Variants in VWC2 observed in about 807,000 individuals in gnomAD.
The protein encoded by VWC2 is brorin.
VWC2 carries 14 observed loss-of-function variants against 29.8 expected under a neutral mutation model. The ratio of observed to expected loss-of-function variants is 0.47; its 90% CI spans 0.31 to 0.74. The LOEUF (loss-of-function observed/expected upper bound fraction) is 0.74. VWC2 is among the 30% of genes least tolerant of loss of function. VWC2 has a pLI of 0.05. For synonymous variants in VWC2, 213 were observed against 199.0 expected (o/e 1.07, Z -0.59); for missense variants, 457 against 459.8 (o/e 0.99, Z 0.05).
chr7:49,855,069 GA>G lies in VWC2; in HGVS notation c.826+52234del, dbSNP rs1790359732. Among the ~76,000 whole-genome samples, 5 of 152,220 alleles carry G rather than the reference GA, an allele frequency of 3.3e-5. No homozygotes were observed. In the South Asian group the frequency reaches 1.0e-3, roughly 32 times the overall value. On this transcript the variant is annotated intron_variant, in intron 3 of 3. Transcript: ENST00000340652. Reference sequence around the variant, plus strand: ...TTCTCGGCTTCTATATTTGAAAATCGAAAAATAAATATTTTCCTTGGTACAG... The same window carrying G: ...TTCTCGGCTTCTATATTTGAAAATCGAAAATAAATATTTTCCTTGGTACAG...
rs1793889053 is a variant in VWC2 at position 49,919,159 on chromosome 7, T to A, written c.*6974T>A. Reference sequence around the variant, plus strand: ...GACTGGAATGGATAGCTCTACCTGCTTCCAAATATTCTTCCCTGGGGAGCA... The same window carrying A: ...GACTGGAATGGATAGCTCTACCTGCATCCAAATATTCTTCCCTGGGGAGCA... On this transcript the variant is annotated 3_prime_UTR_variant, in exon 4 of 4. Coordinates refer to ENST00000340652, the MANE Select transcript of VWC2 (RefSeq NM_198570.5). 6.6e-6 allele frequency: 1 copy of A among 152,134 alleles called. No individual in the cohort carries two copies. Among genetic ancestry groups the A allele is most frequent in the African/African-American group, 2.4e-5 (1 of 41,430 alleles). 9.4% of individuals were successfully genotyped at this position (152,134 alleles called of 1,614,324 possible). A position where few individuals can be genotyped will look rare whatever the true frequency, so the allele number is the denominator to read the frequency against.
chr7:49,915,767 A>G lies in VWC2; in HGVS notation c.*3582A>G, dbSNP rs1008009089. 3 of 152,180 alleles carry G rather than the reference A, an allele frequency of 2.0e-5. No individual in the cohort carries two copies. The highest frequency in any genetic ancestry group is 4.4e-5 in the Non-Finnish European group (3 of 68,014). The allele number at this position is 152,180 out of a possible 1,614,324, so 9.4% of individuals were successfully genotyped here. On this transcript the variant is annotated 3_prime_UTR_variant, in exon 4 of 4. Coordinates refer to ENST00000340652, the MANE Select transcript of VWC2 (RefSeq NM_198570.5). Reference sequence around the variant, plus strand: ...CTTCAATGGGCAAGAGATCAATCCTACTTTTCATTGTTATTTTTAATATCA... The same window carrying G: ...CTTCAATGGGCAAGAGATCAATCCTGCTTTTCATTGTTATTTTTAATATCA...
At chr7:49,909,390 A>T (rs994058299) in intron 3 of VWC2, among the ~76,000 whole-genome samples, 4 of 152,208 alleles carry the variant, frequency 2.6e-5, no homozygotes, top group Non-Finnish European at 5.9e-5. Context: ...AATTTTAAAC[A>T]TAGGCACCAT....
intron 3 of VWC2, among the ~76,000 whole-genome samples, chr7:49,829,901 A>G (rs1789486593): frequency 6.6e-6 from 1 of 152,196 alleles, no homozygotes; most frequent in South Asian, 2.1e-4. Context: ...TGCTACCTGG[A>G]AGCAGAACTT....
chr7:49,838,340 C>G (rs1789712913), intron 3 of VWC2, among the ~76,000 whole-genome samples: 1 of 152,180 alleles, frequency 6.6e-6, no homozygotes, highest in Non-Finnish European at 1.5e-5. Context: ...TTATCTCTTA[C>G]TTTTTTTCCA....
chr7:49,854,585 T>C (rs13312242), intron 3 of VWC2, among the ~76,000 whole-genome samples: 20,578 of 152,238 alleles, frequency 0.14, 1,525 homozygotes, highest in South Asian at 0.23. Context: ...GTAAATTTGT[T>C]TGAGTTCTTT....
At chr7:49,843,044 T>C (rs1179203000) in intron 3 of VWC2, among the ~76,000 whole-genome samples, 1 of 152,122 alleles carries the variant, frequency 6.6e-6, no homozygotes, top group Non-Finnish European at 1.5e-5. Flanking sequence ...GTTTTTCCCC[T>C]TCCCTTTCCC....
intron 3 of VWC2, among the ~76,000 whole-genome samples, chr7:49,897,825 A>G (rs917452759): frequency 6.6e-6 from 1 of 152,244 alleles, no homozygotes; most frequent in East Asian, 1.9e-4. Flanking sequence ...GGATTCAGTC[A>G]TAGGGTCACA....
At position 49,832,281 on chromosome 7, in the gene VWC2, T is replaced by G. The variant is rs537669695; in HGVS notation, c.826+29441T>G. 9.2e-5 allele frequency among the ~76,000 whole-genome samples: 14 copies of G among 152,314 alleles called. No homozygotes were observed. The South Asian group carries it at 2.9e-3, about 32-fold the overall frequency. On this transcript the variant is annotated intron_variant, in intron 3 of 3. Transcript: ENST00000340652. ...CAAAAGACAAAATTATAAGAAATTT[T>G]GTTTAAAGATCTAATTAGCTTTTAT...
intron 3 of VWC2, among the ~76,000 whole-genome samples, chr7:49,825,388 A>G (rs1239619698): frequency 6.6e-6 from 1 of 152,110 alleles, no homozygotes; most frequent in Non-Finnish European, 1.5e-5. Flanking sequence ...TATGGGGCAT[A>G]CATTTGGTTG....
chr7:49,774,352 A>G (rs1416582903), intron 1 of VWC2, among the ~76,000 whole-genome samples: 4 of 152,138 alleles, frequency 2.6e-5, no homozygotes, highest in Non-Finnish European at 4.4e-5. Context: ...GGGAGGGGAC[A>G]GACGCACCGG....
chr7:49,890,697 T>C (rs188986964), intron 3 of VWC2, among the ~76,000 whole-genome samples: 4 of 145,596 alleles, frequency 2.7e-5, no homozygotes, highest in African/African-American at 1.0e-4. Context: ...ATCTAAGGGA[T>C]AGAATGCACA....
intron 3 of VWC2, among the ~76,000 whole-genome samples, chr7:49,841,605 T>C (rs1789794398): frequency 6.6e-6 from 1 of 152,234 alleles, no homozygotes; most frequent in Admixed American, 6.5e-5. Context: ...GTGGAGCTTT[T>C]TCCCTCAGAC....
At chr7:49,863,354 C>T (rs1387584664) in intron 3 of VWC2, among the ~76,000 whole-genome samples, 1 of 152,174 alleles carries the variant, frequency 6.6e-6, no homozygotes, top group African/African-American at 2.4e-5. Context: ...ATCTTCGCCA[C>T]TCCAGCTAAA....
intron 3 of VWC2, among the ~76,000 whole-genome samples, chr7:49,911,794 G>A (rs1793454638): frequency 6.6e-6 from 1 of 151,732 alleles, no homozygotes; most frequent in African/African-American, 2.4e-5. Context: ...CTACTTGAAA[G>A]GCTGAGGCAG....
In VWC2 at chr7:49,914,280, T is replaced by C. The variant is rs141636240; in HGVS notation, c.*2095T>C. On this transcript the variant is annotated 3_prime_UTR_variant, in exon 4 of 4. Coordinates refer to ENST00000340652, the MANE Select transcript of VWC2 (RefSeq NM_198570.5). The stretch of plus-strand genomic sequence containing the variant: ...TAATAATAATTCCTACCAGAATGGA[T>C]GATGAGCTCTGAAATAATTGCAATG... 8.5e-5 allele frequency: 13 copies of C among 152,352 alleles called. No individual in the cohort carries two copies. Among genetic ancestry groups the C allele is most frequent in the Admixed American group, 3.3e-4 (5 of 15,298 alleles). 9.4% of individuals were successfully genotyped at this position (152,352 alleles called of 1,614,324 possible).
intron 3 of VWC2, among the ~76,000 whole-genome samples, chr7:49,848,048 G>A (rs1790023297): frequency 1.3e-5 from 2 of 152,222 alleles, no homozygotes; most frequent in Non-Finnish European, 2.9e-5. Context: ...ACATGGGTGG[G>A]AAGTCGGAAG....
chr7:49,826,332 T>C (rs1789391071), intron 3 of VWC2, among the ~76,000 whole-genome samples: 1 of 152,192 alleles, frequency 6.6e-6, no homozygotes, highest in South Asian at 2.1e-4. Context: ...TAAAATTTTG[T>C]ATCCAAAAAA....
rs745745635 is a variant in VWC2 at position 49,912,141 on chromosome 7, G to A, written c.934G>A (p.Glu312Lys). ...TTATGAGGAAGGCACATGGAGAATC[G>A]AGCGGCAGGCCATGTGCACGAGACA... The part of the protein sequence containing the change: ...CTYEEGTWRI[E>K]RQAMCTRHEC... Residue 312 changes from glutamate to lysine, a missense_variant, in exon 4 of 4, where the codon GAG (glutamate) becomes AAG (lysine). Physicochemically the swap from Glu to Lys is moderately conservative, Grantham distance 56. Transcript: ENST00000340652. 1.9e-6 allele frequency: 3 copies of A among 1,614,030 alleles called. No individual in the cohort carries two copies. The highest frequency in any genetic ancestry group is 2.2e-5 in the East Asian group (1 of 44,872).
Sources: allele counts gnomAD v4.1 joint callset (sites outside exome capture counted in the v4.1 genomes callset), GRCh38; gene constraint gnomAD v4.1.1; transcripts MANE v1.5; gene names NCBI Gene and HGNC (gene_info 2026-07-23, HGNC 2026-07-21).